The following SERPINB11 variants were observed in gnomAD, a reference collection of about 807,000 sequenced individuals.
SERPINB11 encodes serpin family B member 11, also known as serpin B11.
Under a neutral mutation model 36.7 loss-of-function variants are expected in SERPINB11, and 32 were observed. The observed-to-expected ratio is 0.87, with a 90% confidence interval of 0.66 to 1.17. SERPINB11 has a LOEUF of 1.17. SERPINB11 is among the 50% of genes most tolerant of loss of function. The pLI is 0.00. For missense variants in SERPINB11, 528 were observed against 458.4 expected (o/e 1.15, Z -1.39); for synonymous variants, 174 against 168.1 (o/e 1.04, Z -0.27).
Position 63,723,598 on chromosome 18 carries a change from A to C in SERPINB11, c.*199A>C, listed in dbSNP as rs1914885849. ...CTTTGTTAATCATGGAAAAAGGTAG[A>C]TTTATGCAGAAAGCCTTTCTGGCTT... On this transcript the variant is annotated 3_prime_UTR_variant, in exon 8 of 8. Transcript: ENST00000544088. 9.7e-6 allele frequency: 5 copies of C among 516,854 alleles called. No homozygotes were observed. Among genetic ancestry groups the C allele is most frequent in the South Asian group, 4.3e-5 (1 of 23,190 alleles). The allele number at this position is 516,854 out of a possible 1,614,324, so 32.0% of individuals were successfully genotyped here. A position where few individuals can be genotyped will look rare whatever the true frequency, so the allele number is the denominator to read the frequency against.
chr18:63,720,015 A>G lies in SERPINB11; in HGVS notation c.478A>G (p.Lys160Glu). The change falls in exon 6 of 8, where the codon AAA becomes GAA. Residue 160 changes from lysine (K) to glutamate (E), a missense_variant and splice_region_variant. Lys to Glu is a moderately conservative substitution (Grantham distance 56). Transcript: ENST00000544088. Reference sequence around the variant, plus strand: ...AATTATCTTATTTTTTATACAAGGAAAAGTCGCAAATCTCTTTGGAAAGAG... The same window carrying G: ...AATTATCTTATTTTTTATACAAGGAGAAGTCGCAAATCTCTTTGGAAAGAG... ...NAWVENKTNGKVANLFGKSTI... is the reference protein window; with the variant it reads ...NAWVENKTNGEVANLFGKSTI... 1 of 1,593,940 alleles carries G rather than the reference A, an allele frequency of 6.3e-7. No individual in the cohort carries two copies.
At chr18:63,709,541 G>A (rs1914460816) in intron 1 of SERPINB11, among the ~76,000 whole-genome samples, 1 of 151,764 alleles carries the variant, frequency 6.6e-6, no homozygotes. Flanking sequence ...AACCCAGGAG[G>A]CGGAGCTTGC....
chr18:63,719,424 G>A, intron 5 of SERPINB11, among the ~76,000 whole-genome samples: 1 of 151,924 alleles, frequency 6.6e-6, no homozygotes, highest in African/African-American at 2.4e-5. Context: ...TTCCAAAAAG[G>A]TTTTATAAAT....
chr18:63,712,935 G>A (rs1345733374), intron 4 of SERPINB11, among the ~76,000 whole-genome samples: 2 of 152,170 alleles, frequency 1.3e-5, no homozygotes, highest in Non-Finnish European at 2.9e-5. Context: ...CAGGGATGAA[G>A]CACAAAACAA....
rs1478073547 is a variant in SERPINB11, at chr18:63,712,673, A to C, written c.337A>C (p.Lys113Gln). 6.2e-7 allele frequency: 1 copy of C among 1,613,772 alleles called. No homozygotes were observed. The highest frequency in any genetic ancestry group is 8.5e-7 in the Non-Finnish European group (1 of 1,179,708). Residue 113 changes from lysine (K) to glutamine (Q), a missense_variant, in exon 4 of 8, where the codon AAG (lysine) becomes CAG (glutamine). Physicochemically the swap from Lys to Gln is moderately conservative, Grantham distance 53. Transcript: ENST00000544088. ...LSIANRLYGTKTMAFHQQYLS... is the reference protein window; with the variant it reads ...LSIANRLYGTQTMAFHQQYLS... ...CATTGCCAACAGGCTCTACGGGACA[A>C]AGACGATGGCATTTCATCAGGTAAG...
intron 5 of SERPINB11, among the ~76,000 whole-genome samples, chr18:63,717,926 A>G (rs1284954161): frequency 1.3e-5 from 2 of 151,960 alleles, no homozygotes; most frequent in Non-Finnish European, 2.9e-5. Flanking sequence ...AGTATTTTCT[A>G]GTTTGTGAAA....
intron 3 of SERPINB11, among the ~76,000 whole-genome samples, chr18:63,711,779 T>A (rs1271183948): frequency 6.6e-6 from 1 of 152,188 alleles, no homozygotes; most frequent in Admixed American, 6.5e-5. Flanking sequence ...TGGCCTAATA[T>A]TGCCCAATCC....
chr18:63,717,527 A>G (rs1914699778), intron 5 of SERPINB11, among the ~76,000 whole-genome samples: 1 of 152,030 alleles, frequency 6.6e-6, no homozygotes, highest in Non-Finnish European at 1.5e-5. Context: ...CTCCTTGCCA[A>G]CACTTGGTAG....
Position 63,710,366 on chromosome 18 carries a change from G to T in SERPINB11, c.168+5G>T. 6.2e-7 allele frequency: 1 copy of T among 1,607,902 alleles called. No individual in the cohort carries two copies. On this transcript the variant is annotated splice_donor_5th_base_variant and intron_variant, in intron 2 of 7. Coordinates refer to ENST00000544088, the MANE Select transcript of SERPINB11 (RefSeq NM_001370475.1). ...ACTGAAGAGCAATTGGAGAAGGTAT[G>T]GAATTCCTCAGAGGTTTGTTCAGAA...
chr18:63,710,998 T>A (rs1436105936), intron 2 of SERPINB11, among the ~76,000 whole-genome samples: 4 of 152,184 alleles, frequency 2.6e-5, no homozygotes. Context: ...GGGTACTGTC[T>A]TAGTTAACAG....
intron 1 of SERPINB11, among the ~76,000 whole-genome samples, chr18:63,705,976 A>G (rs1914362340): frequency 6.6e-6 from 1 of 152,340 alleles, no homozygotes; most frequent in East Asian, 1.9e-4. Context: ...TATTAAAATC[A>G]CCTTAAAGGA....
Position 63,723,026 on chromosome 18 carries a change from A to G in SERPINB11, c.806A>G (p.His269Arg). The change falls in exon 8 of 8, where the codon CAT (histidine) becomes CGT (arginine). Residue 269 changes from histidine (H) to arginine (R), a missense_variant. Physicochemically the swap from His to Arg is conservative, Grantham distance 29. Transcript: ENST00000544088. ...IEKQLNSGTFHEWTSSSNMME... is the reference protein window; with the variant it reads ...IEKQLNSGTFREWTSSSNMME... ...AAGCAGCTGAATTCGGGGACGTTTC[A>G]TGAGTGGACAAGCTCTTCTAACATG... 1 of 1,589,480 alleles carries G rather than the reference A, an allele frequency of 6.3e-7. No individual in the cohort carries two copies. Among genetic ancestry groups the G allele is most frequent in the Non-Finnish European group, 8.5e-7 (1 of 1,170,032 alleles).
At chr18:63,709,538 G>C (rs1019981799) in intron 1 of SERPINB11, among the ~76,000 whole-genome samples, 11 of 151,778 alleles carry the variant, frequency 7.2e-5, no homozygotes, top group Non-Finnish European at 1.6e-4. Flanking sequence ...ATGAACCCAG[G>C]AGGCGGAGCT....
intron 1 of SERPINB11, among the ~76,000 whole-genome samples, chr18:63,709,439 G>T (rs541409666): frequency 6.6e-6 from 1 of 151,778 alleles, no homozygotes. Context: ...GTGAAACCCC[G>T]TCTCTACCAA....
At chr18:63,715,737 G>T (rs993175562) in intron 4 of SERPINB11, among the ~76,000 whole-genome samples, 1 of 152,154 alleles carries the variant, frequency 6.6e-6, no homozygotes, top group African/African-American at 2.4e-5. Flanking sequence ...AGAGTCAGAA[G>T]GTGCTCATGT....
At position 63,712,576 on chromosome 18, in the gene SERPINB11, T is replaced by C; in HGVS notation, c.240T>C (p.Ala80=). The change falls in exon 4 of 8, where the codon GCT becomes GCC. Residue 80 remains alanine, a synonymous_variant. Transcript: ENST00000544088. The part of the protein sequence containing the change: ...GFKDSPKCSQ[A]GRIHSEFGVE... ...TACTGATGCTTCAGTGCAGCCAAGC[T>C]GGAAGAATTCATTCCGAGTTTGGTG... 2 of 1,613,802 alleles carry C rather than the reference T, an allele frequency of 1.2e-6. No homozygotes were observed. The highest frequency in any genetic ancestry group is 1.7e-6 in the Non-Finnish European group (2 of 1,179,708).
intron 7 of SERPINB11, among the ~76,000 whole-genome samples, chr18:63,721,436 A>G (rs1914810599): frequency 6.6e-6 from 1 of 152,186 alleles, no homozygotes; most frequent in Admixed American, 6.5e-5. Flanking sequence ...TGGGCACCAC[A>G]CACATTAAGA....
chr18:63,711,594 T>C (rs1397618965), intron 3 of SERPINB11, among the ~76,000 whole-genome samples, 200 bp downstream of exon 3: 5 of 152,170 alleles, frequency 3.3e-5, no homozygotes, highest in Admixed American at 6.6e-5. Context: ...TAAAGTTTCT[T>C]AGATTTTATT....
intron 5 of SERPINB11, among the ~76,000 whole-genome samples, chr18:63,718,090 A>G (rs952595930): frequency 6.6e-6 from 1 of 152,026 alleles, no homozygotes; most frequent in African/African-American, 2.4e-5. Flanking sequence ...TGTAAATTTT[A>G]TCATAAATTA....
Sources: gnomAD v4.1 joint callset for allele counts (sites outside exome capture counted in the v4.1 genomes callset) on GRCh38, gnomAD v4.1.1 for gene constraint, MANE v1.5 for transcripts, NCBI Gene and HGNC (gene_info 2026-07-23, HGNC 2026-07-21) for gene names.